Variants in PLEKHA5 observed in about 807,000 individuals in gnomAD.
The protein encoded by PLEKHA5 is pleckstrin homology domain-containing family A member 5.
In PLEKHA5, 55 loss-of-function variants were observed where a neutral mutation model predicts 181.9. The ratio of observed to expected loss-of-function variants is 0.30; its 90% CI spans 0.24 to 0.38. PLEKHA5 has a LOEUF of 0.38. Ranked by LOEUF, PLEKHA5 falls within the 10% of genes least tolerant of loss-of-function variation. PLEKHA5 has a pLI of 1.00. For synonymous variants in PLEKHA5, 535 were observed against 529.4 expected (o/e 1.01, Z -0.15); for missense variants, 1,432 against 1,549.5 (o/e 0.92, Z 1.27).
intron 3 of PLEKHA5, among the ~76,000 whole-genome samples, chr12:19,173,478 C>G (rs562253761): frequency 2.6e-5 from 4 of 152,204 alleles, no homozygotes; most frequent in Admixed American, 2.6e-4. Context: ...AAAATGTGCT[C>G]CATTATCGGA....
chr12:19,251,356 G>C (rs1051697577), intron 3 of PLEKHA5, among the ~76,000 whole-genome samples: 7 of 149,712 alleles, frequency 4.7e-5, no homozygotes, highest in African/African-American at 1.7e-4. Context: ...GCAGTGATCT[G>C]AGATTGCGCC....
At chr12:19,132,575 A>G in intron 3 of PLEKHA5, 125 bp downstream of exon 3, 3 of 616,670 alleles carry the variant, frequency 4.9e-6, no homozygotes, top group Non-Finnish European at 8.5e-6. Flanking sequence ...TGGTGACTGT[A>G]TTCTTTATTT....
chr12:19,196,518 G>T (rs1358534541), intron 3 of PLEKHA5, among the ~76,000 whole-genome samples: 1 of 152,150 alleles, frequency 6.6e-6, no homozygotes, highest in Non-Finnish European at 1.5e-5. Context: ...ACCCCTATGT[G>T]ATCTCTTGTT....
intron 3 of PLEKHA5, chr12:19,207,792 A>G (rs2055939062): frequency 6.6e-6 from 1 of 152,166 alleles, no homozygotes; most frequent in South Asian, 2.1e-4. Flanking sequence ...TCTATATTAA[A>G]ATATCTGGAT....
At chr12:19,204,525 C>T (rs1431071556) in intron 3 of PLEKHA5, among the ~76,000 whole-genome samples, 2 of 152,096 alleles carry the variant, frequency 1.3e-5, no homozygotes, top group African/African-American at 2.4e-5. Flanking sequence ...ATTTACTTAA[C>T]AAACTAGGTG....
intron 23 of PLEKHA5, 61 bp from the exon 24 acceptor site, chr12:19,346,933 A>C: frequency 9.1e-7 from 1 of 1,104,540 alleles, no homozygotes; most frequent in South Asian, 2.2e-5. Context: ...ATTGCAAAGA[A>C]TTTAGATATG....
At position 19,322,329 on chromosome 12, in the gene PLEKHA5, G is replaced by T. The variant is rs1198825561; in HGVS notation, c.2237G>T (p.Cys746Phe). ...VDIDAKLSRL[C>F]EQDKVVHALE... ...ACCTAGGCCAAGTTAAGCCGATTAT[G>T]TGAACAAGATAAAGTGGTGCATGCT... The change falls in exon 19 of 32, where the codon TGT becomes TTT. Residue 746 changes from cysteine (C) to phenylalanine (F), a missense_variant. Physicochemically the swap from Cys to Phe is radical, Grantham distance 205. Coordinates refer to ENST00000429027, the MANE Select transcript of PLEKHA5 (RefSeq NM_001256470.2). 1 of 1,613,158 alleles carries T rather than the reference G, an allele frequency of 6.2e-7. No individual in the cohort carries two copies. The highest frequency in any genetic ancestry group is 1.1e-5 in the South Asian group (1 of 91,042).
chr12:19,327,255 T>TG (rs926418451), intron 20 of PLEKHA5, among the ~76,000 whole-genome samples: 25 of 150,230 alleles, frequency 1.7e-4, no homozygotes, highest in East Asian at 5.8e-4. Flanking sequence ...TTGTTTTTTT[T>TG]TTTTTTTTTA....
chr12:19,317,010 A>T (rs952679256), intron 16 of PLEKHA5, among the ~76,000 whole-genome samples: 1 of 152,140 alleles, frequency 6.6e-6, no homozygotes, highest in South Asian at 2.1e-4. Flanking sequence ...TCTTCCTTGG[A>T]GAACACTCAA....
intron 3 of PLEKHA5, among the ~76,000 whole-genome samples, chr12:19,191,330 A>G (rs1261659007): frequency 6.6e-6 from 1 of 152,224 alleles, no homozygotes; most frequent in Non-Finnish European, 1.5e-5. Flanking sequence ...ATAGACCAGT[A>G]TGTAGAAATC....
At chr12:19,311,588 A>G in intron 15 of PLEKHA5, among the ~76,000 whole-genome samples, 1 of 152,204 alleles carries the variant, frequency 6.6e-6, no homozygotes, top group Non-Finnish European at 1.5e-5. Flanking sequence ...TTTTATCTCA[A>G]GAAACTACTT....
intron 20 of PLEKHA5, among the ~76,000 whole-genome samples, chr12:19,334,818 C>CAGAAA (rs1295858271): frequency 5.0e-4 from 3 of 5,980 alleles, no homozygotes; most frequent in African/African-American, 9.5e-4. Context: ...CCTGTCTTCA[C>CAGAAA]AAAAAAAAAA....
At chr12:19,239,785 C>T (rs1325547732) in intron 3 of PLEKHA5, among the ~76,000 whole-genome samples, 1 of 152,208 alleles carries the variant, frequency 6.6e-6, no homozygotes, top group Non-Finnish European at 1.5e-5. Context: ...TTCCACCAGG[C>T]TCAATTCAAA....
chr12:19,132,823 A>T (rs570139940), intron 3 of PLEKHA5, among the ~76,000 whole-genome samples: 1 of 125,094 alleles, frequency 8.0e-6, no homozygotes. Flanking sequence ...TGGGTAATAG[A>T]GGATTATTGG....
intron 11 of PLEKHA5, among the ~76,000 whole-genome samples, chr12:19,281,641 CT>C (rs950450146): frequency 1.3e-5 from 2 of 151,114 alleles, no homozygotes; most frequent in Admixed American, 6.6e-5. Context: ...TTAATTGATT[CT>C]TTTTTTTCTG....
intron 16 of PLEKHA5, among the ~76,000 whole-genome samples, chr12:19,318,249 AAAGATTTC>A (rs1399708812): frequency 6.6e-6 from 1 of 152,070 alleles, no homozygotes; most frequent in African/African-American, 2.4e-5. Context: ...TAACTTGATA[AAAGATTTC>A]AAGAAAAATT....
At chr12:19,228,824 G>GA (rs1248191558) in intron 3 of PLEKHA5, among the ~76,000 whole-genome samples, 1 of 151,686 alleles carries the variant, frequency 6.6e-6, no homozygotes, top group Non-Finnish European at 1.5e-5. Context: ...TTATTTTATG[G>GA]AAAAAGCATT....
At chr12:19,357,003 C>T (rs951512689) in intron 26 of PLEKHA5, among the ~76,000 whole-genome samples, 11 of 134,716 alleles carry the variant, frequency 8.2e-5, no homozygotes, top group African/African-American at 2.6e-4. Context: ...TAAGTGTTTT[C>T]GTAGTTTTAT....
rs747598559 is a variant in PLEKHA5, at chr12:19,265,835, C to T, written c.696C>T (p.Arg232=). The T allele has an allele frequency of 3.8e-6, 6 of 1,584,274 alleles. No individual in the cohort carries two copies. The Admixed American group carries it at 1.0e-4, about 27-fold the overall frequency. Residue 232 remains arginine, a synonymous_variant, in exon 8 of 32, where the codon CGC becomes CGT. Transcript: ENST00000429027. ...TTACCTCTGAAGATCACATTAATCG[C>T]AAATATGCTTTTAAGGTAAGGAAAT... The part of the protein sequence containing the change: ...ALLTSEDHIN[R]KYAFKAAHPN...
Sources: allele counts gnomAD v4.1 joint callset (sites outside exome capture counted in the v4.1 genomes callset), GRCh38; gene constraint gnomAD v4.1.1; transcripts MANE v1.5; gene names NCBI Gene and HGNC (gene_info 2026-07-23, HGNC 2026-07-21).